The following NPRL3 variants were observed in gnomAD, a reference collection of about 807,000 sequenced individuals.
NPRL3 encodes NPR3 like, GATOR1 complex subunit.
NPRL3 carries 23 observed loss-of-function variants against 57.2 expected under a neutral mutation model. That is an observed-to-expected ratio of 0.40 (90% CI 0.29 to 0.57). The LOEUF is 0.57. NPRL3 is among the 20% of genes least tolerant of loss of function. The pLI, the probability that NPRL3 is intolerant of heterozygous loss-of-function variation, is 0.42. For synonymous variants in NPRL3, 333 were observed against 321.1 expected, an observed-to-expected ratio of 1.04 and a Z score of -0.39; for missense variants, 691 against 767.1, an observed-to-expected ratio of 0.90 and a Z score of 1.17.
Position 106,116 on chromosome 16 carries a change from C to G in NPRL3, c.629+4409G>C, listed in dbSNP as rs1243451783. Among the ~76,000 whole-genome samples the G allele has an allele frequency of 2.0e-5, 3 of 151,952 alleles. 1 individual carries two copies. The South Asian group carries it at 6.2e-4, about 32-fold the overall frequency. On this transcript the variant is annotated intron_variant, in intron 7 of 13. Coordinates refer to ENST00000611875, the MANE Select transcript of NPRL3 (RefSeq NM_001077350.3). ...ACGAGGTCAGGAGTTCAAGACCAGG[C>G]TGGCCAACATGGTGAAACTCCATCT...
At chr16:136,268 G>A (rs1040483173) in intron 2 of NPRL3, among the ~76,000 whole-genome samples, 12 of 152,366 alleles carry the variant, frequency 7.9e-5, no homozygotes, top group African/African-American at 1.9e-4. Flanking sequence ...GGAATTCACC[G>A]TGGCCGGTAA....
At chr16:107,774 A>G (rs1307601653) in intron 7 of NPRL3, among the ~76,000 whole-genome samples, 2 of 152,218 alleles carry the variant, frequency 1.3e-5, no homozygotes, top group Non-Finnish European at 2.9e-5. Context: ...TGATCCCCCA[A>G]CCTTGGCCTC....
In NPRL3 at chr16:138,349, G is replaced by A; in HGVS notation, c.-67-15C>T. ...GCGGAGGGGGCCTGAGGAGGACGGA[G>A]CCGGAGGCGGAGGGGGCCTGAGGAG... On this transcript the variant is annotated splice_polypyrimidine_tract_variant and intron_variant, in intron 1 of 13. Transcript: ENST00000611875. The A allele has an allele frequency of 9.1e-7, 1 of 1,097,896 alleles. No individual in the cohort carries two copies. Among genetic ancestry groups the A allele is most frequent in the Non-Finnish European group, 1.3e-6 (1 of 771,438 alleles). 68.0% of individuals were successfully genotyped at this position (1,097,896 alleles called of 1,614,324 possible). A position where few individuals can be genotyped will look rare whatever the true frequency, so the allele number is the denominator to read the frequency against.
chr16:97,420 T>A (rs954141528), intron 9 of NPRL3, among the ~76,000 whole-genome samples: 8 of 150,112 alleles, frequency 5.3e-5, no homozygotes, highest in African/African-American at 2.0e-4. Context: ...ATTTTTTTTT[T>A]TTTTTTTTTT....
chr16:112,494 G>T, intron 6 of NPRL3, 128 bp downstream of exon 6: 1 of 902,004 alleles, frequency 1.1e-6, no homozygotes, highest in Non-Finnish European at 1.5e-6. Context: ...TGCTGGTGTT[G>T]GGGTGGGTGA....
intron 3 of NPRL3, among the ~76,000 whole-genome samples, chr16:129,675 T>A (rs983022744): frequency 3.5e-4 from 53 of 152,252 alleles, no homozygotes; most frequent in African/African-American, 1.1e-3. Flanking sequence ...AAAATTTTTT[T>A]AAAAAGACTT....
chr16:119,652 G>A (rs1900201895), intron 3 of NPRL3, among the ~76,000 whole-genome samples: 1 of 152,232 alleles, frequency 6.6e-6, no homozygotes, highest in Admixed American at 6.5e-5. Context: ...TTGCTGTGCT[G>A]CACCTTCAAC....
At chr16:118,247 G>A (rs1286580489) in intron 4 of NPRL3, among the ~76,000 whole-genome samples, 2 of 152,226 alleles carry the variant, frequency 1.3e-5, no homozygotes, top group South Asian at 2.1e-4. Context: ...CAGAATCTTA[G>A]TAATGCCATC....
intron 5 of NPRL3, 80 bp downstream of exon 5, chr16:117,221 A>G (rs898101260): frequency 5.0e-6 from 5 of 1,005,788 alleles, no homozygotes; most frequent in Non-Finnish European, 7.6e-6. Context: ...CTCCGAGTCA[A>G]TGACACGCTC....
intron 7 of NPRL3, among the ~76,000 whole-genome samples, chr16:109,892 T>C (rs1053807284): frequency 6.6e-6 from 1 of 152,212 alleles, no homozygotes; most frequent in Non-Finnish European, 1.5e-5. Flanking sequence ...ATTCTTCTAT[T>C]GGGAAATATA....
intron 5 of NPRL3, among the ~76,000 whole-genome samples, chr16:115,862 G>A (rs1166938752): frequency 6.6e-6 from 1 of 152,174 alleles, no homozygotes; most frequent in African/African-American, 2.4e-5. Context: ...CACCCTTGAT[G>A]GCAAGAGGAT....
In NPRL3 at chr16:88,800, C is replaced by T; in HGVS notation, c.1442G>A (p.Arg481Lys). The T allele has an allele frequency of 3.1e-6, 5 of 1,613,744 alleles. No individual in the cohort carries two copies. Among genetic ancestry groups the T allele is most frequent in the Non-Finnish European group, 4.2e-6 (5 of 1,179,830 alleles). Residue 481 changes from arginine (R) to lysine (K), a missense_variant, in exon 13 of 14, where the codon AGG becomes AAG. Arg to Lys is a conservative substitution (Grantham distance 26). Coordinates refer to ENST00000611875, the MANE Select transcript of NPRL3 (RefSeq NM_001077350.3). Reference protein sequence around the residue: ...LPSGDSPLNQRMTENLLASLS... With the variant: ...LPSGDSPLNQKMTENLLASLS... ...GCTGGCCAGCAGGTTCTCCGTCATC[C>T]TCTGGTTCAGTGGCGAGTCCCCGCT...
At chr16:100,573 A>G in intron 7 of NPRL3, 64 bp from the exon 8 acceptor site, 1 of 1,369,168 alleles carries the variant, frequency 7.3e-7, no homozygotes, top group Non-Finnish European at 9.5e-7. Context: ...CAGATCAGAA[A>G]ACACCCTGCT....
chr16:89,882 C>A lies in NPRL3; in HGVS notation c.1182G>T (p.Val394=). 1 of 1,553,230 alleles carries A rather than the reference C, an allele frequency of 6.4e-7. No homozygotes were observed. Among genetic ancestry groups the A allele is most frequent in the East Asian group, 2.4e-5 (1 of 40,962 alleles). Residue 394 remains valine, a synonymous_variant, in exon 12 of 14, where the codon GTG becomes GTT. Coordinates refer to ENST00000611875, the MANE Select transcript of NPRL3 (RefSeq NM_001077350.3). ...AVQETQLIQM[V]VWMLQRRLLI... is the part of the protein sequence containing the mutation. ...GAAGCCGGCGCTGCAGCATCCACAC[C>A]ACCATCTGGATGAGCTGGGTCTGCG...
chr16:115,951 T>C (rs1455747965), intron 5 of NPRL3, among the ~76,000 whole-genome samples: 1 of 152,242 alleles, frequency 6.6e-6, no homozygotes, highest in African/African-American at 2.4e-5. Flanking sequence ...AGTTTAATTA[T>C]TGTTATAAAA....
chr16:136,801 G>C (rs1378697965), intron 2 of NPRL3, among the ~76,000 whole-genome samples: 1 of 151,984 alleles, frequency 6.6e-6, no homozygotes, highest in Non-Finnish European at 1.5e-5. Flanking sequence ...ACTGAGGGCT[G>C]GGGGCCAATA....
intron 9 of NPRL3, among the ~76,000 whole-genome samples, chr16:95,484 T>A (rs1202686308): frequency 1.3e-5 from 2 of 151,960 alleles, no homozygotes. Context: ...TTGTGTAGTG[T>A]TTGAAGTCTT....
intron 5 of NPRL3, among the ~76,000 whole-genome samples, chr16:115,002 G>T (rs1176997499): frequency 6.6e-6 from 1 of 150,896 alleles, no homozygotes; most frequent in Admixed American, 6.6e-5. Flanking sequence ...TTAAGATAGG[G>T]TCTCACTCTC....
chr16:89,314 C>T (rs1247923395), intron 12 of NPRL3: 5 of 264,760 alleles, frequency 1.9e-5, no homozygotes, highest in South Asian at 8.4e-5. Flanking sequence ...GCCTGGGGAC[C>T]GGGGACCTGG....
Sources: allele counts gnomAD v4.1 joint callset (sites outside exome capture counted in the v4.1 genomes callset), GRCh38; gene constraint gnomAD v4.1.1; transcripts MANE v1.5; gene names NCBI Gene and HGNC (gene_info 2026-07-23, HGNC 2026-07-21).